The following B4GALNT3 variants were observed in gnomAD, a reference collection of about 807,000 sequenced individuals.
B4GALNT3 encodes beta-1,4-N-acetylgalactosaminyltransferase 3.
Under a neutral mutation model 120.2 loss-of-function variants are expected in B4GALNT3, and 86 were observed. The ratio of observed to expected loss-of-function variants is 0.72; its 90% CI spans 0.60 to 0.86. B4GALNT3 has a LOEUF of 0.86. B4GALNT3 is among the 40% of genes least tolerant of loss of function. The probability of loss-of-function intolerance (pLI) is 0.00; values close to 1 mark genes in which losing one functional copy is unlikely to be tolerated. For missense variants in B4GALNT3, 1,167 were observed against 1,298.9 expected (o/e 0.90, Z 1.56); for synonymous variants, 518 against 510.4 (o/e 1.01, Z -0.20).
intron 1 of B4GALNT3, among the ~76,000 whole-genome samples, chr12:511,013 CTTTTTTTTTTTTTTTTT>C (rs762032000): frequency 1.3e-3 from 55 of 43,900 alleles, no homozygotes; most frequent in East Asian, 3.2e-3. Flanking sequence ...TTTGCCTATT[CTTTTTTTTTTTTTTTTT>C]TTTTTTTTTT....
chr12:474,747 T>G (rs1344956579), intron 1 of B4GALNT3, among the ~76,000 whole-genome samples: 1 of 151,808 alleles, frequency 6.6e-6, no homozygotes, highest in Non-Finnish European at 1.5e-5. Context: ...ATCACTTGAG[T>G]CCAGGAGTTC....
At chr12:464,254 AT>A (rs1431463468) in intron 1 of B4GALNT3, among the ~76,000 whole-genome samples, 1 of 152,212 alleles carries the variant, frequency 6.6e-6, no homozygotes, top group Non-Finnish European at 1.5e-5. Flanking sequence ...GAAGTTAAAG[AT>A]TCTCCAATTA....
chr12:470,759 G>C (rs1347743959), intron 1 of B4GALNT3, among the ~76,000 whole-genome samples: 1 of 151,966 alleles, frequency 6.6e-6, no homozygotes, highest in African/African-American at 2.4e-5. Flanking sequence ...TTTGTTTTGA[G>C]ATGGAGTCTC....
chr12:467,650 C>T (rs950335342), intron 1 of B4GALNT3, among the ~76,000 whole-genome samples: 22 of 152,304 alleles, frequency 1.4e-4, no homozygotes, highest in Non-Finnish European at 2.6e-4. Flanking sequence ...ATTAACCCTG[C>T]GAAAGCACTT....
intron 1 of B4GALNT3, among the ~76,000 whole-genome samples, chr12:524,963 GGTGGGTTAA>G (rs1201024732): frequency 1.3e-5 from 2 of 152,154 alleles, no homozygotes; most frequent in Non-Finnish European, 2.9e-5. Context: ...TGAACTTGTT[GGTGGGTTAA>G]GTGGGTTAAT....
intron 1 of B4GALNT3, among the ~76,000 whole-genome samples, chr12:473,779 G>A (rs971072001): frequency 1.3e-5 from 2 of 152,188 alleles, no homozygotes; most frequent in Admixed American, 1.3e-4. Context: ...CAAGAAGTTG[G>A]AAGAGTTTGC....
chr12:558,469 T>C, intron 17 of B4GALNT3, 39 bp from the exon 18 acceptor site: 1 of 1,602,852 alleles, frequency 6.2e-7, no homozygotes, highest in Non-Finnish European at 8.5e-7. Context: ...CTAGCTCTGG[T>C]CTGCAGGGTC....
rs1233813062 is a variant in B4GALNT3, at chr12:562,960, G to GGAAT, written c.*1510_*1511insAATG. 2 of 152,190 alleles carry GGAAT rather than the reference G, an allele frequency of 1.3e-5. No homozygotes were observed. Among genetic ancestry groups the GGAAT allele is most frequent in the African/African-American group, 4.8e-5 (2 of 41,428 alleles). 9.4% of individuals were successfully genotyped at this position (152,190 alleles called of 1,614,324 possible). On this transcript the variant is annotated 3_prime_UTR_variant, in exon 20 of 20. Transcript: ENST00000266383. This position sits in a 1 kb window ranked among gnomAD's most constrained non-coding sequence, Gnocchi z 5.2. ...CTGGAGCTGCAGGGTCTGCCTAGTG[G>GGAAT]GCTCTGCATTCCCCGAGAGCACGAG...
rs1947237950 is a variant in B4GALNT3, at chr12:562,094, A to G, written c.*643A>G. ...CAAACAGCTGGCCACTGATTAGGGC[A>G]TTAACTTCCTCCGGATGGCTCACGT... On this transcript the variant is annotated 3_prime_UTR_variant, in exon 20 of 20. Transcript: ENST00000266383. This position sits in a 1 kb window ranked among gnomAD's most constrained non-coding sequence, Gnocchi z 5.2. 6.6e-6 allele frequency: 1 copy of G among 152,282 alleles called. No individual in the cohort carries two copies. The highest frequency in any genetic ancestry group is 1.5e-5 in the Non-Finnish European group (1 of 68,078). 9.4% of individuals were successfully genotyped at this position (152,282 alleles called of 1,614,324 possible). A position where few individuals can be genotyped will look rare whatever the true frequency, so the allele number is the denominator to read the frequency against.
rs1042786089 is a variant in B4GALNT3, at chr12:548,765, C to T, written c.853+468C>T. Among the ~76,000 whole-genome samples the T allele has an allele frequency of 7.9e-5, 12 of 152,156 alleles. No homozygotes were observed. The East Asian group carries it at 2.3e-3, about 29-fold the overall frequency. Reference sequence around the variant, plus strand: ...TCTCTACAAAAAATTAAAAAATTAACTGGGTGTGGTGGCGCATGCCTGTAG... The same window carrying T: ...TCTCTACAAAAAATTAAAAAATTAATTGGGTGTGGTGGCGCATGCCTGTAG... On this transcript the variant is annotated intron_variant, in intron 9 of 19. Transcript: ENST00000266383. This position sits in a 1 kb window ranked among gnomAD's most constrained non-coding sequence, Gnocchi z 4.9.
At chr12:495,809 T>C (rs1338056836) in intron 1 of B4GALNT3, among the ~76,000 whole-genome samples, 1 of 152,212 alleles carries the variant, frequency 6.6e-6, no homozygotes, top group Non-Finnish European at 1.5e-5. Flanking sequence ...AAGCCGGGTC[T>C]GCAGCTCTGC....
intron 6 of B4GALNT3, among the ~76,000 whole-genome samples, chr12:545,856 G>A (rs1946996499): frequency 2.3e-5 from 1 of 43,582 alleles, no homozygotes; most frequent in Non-Finnish European, 4.3e-5. Flanking sequence ...GGAGGAGCGA[G>A]GAGTGGGGAG....
intron 1 of B4GALNT3, among the ~76,000 whole-genome samples, chr12:520,880 T>C (rs1565601298): frequency 6.6e-6 from 1 of 152,244 alleles, no homozygotes; most frequent in South Asian, 2.1e-4. Context: ...TTGCACATTG[T>C]CTGCCTGCAT....
In B4GALNT3 at chr12:534,815, C is replaced by T. The variant is rs150546120; in HGVS notation, c.170-351C>T. On this transcript the variant is annotated intron_variant, in intron 1 of 19. Coordinates refer to ENST00000266383, the MANE Select transcript of B4GALNT3 (RefSeq NM_173593.4). Reference sequence around the variant, plus strand: ...GAAGGGAAGAGTGTACCGCCTGTCACGACCATCTCTCCACGGCAGCTCTCG... The same window carrying T: ...GAAGGGAAGAGTGTACCGCCTGTCATGACCATCTCTCCACGGCAGCTCTCG... Among the ~76,000 whole-genome samples, 454 of 152,300 alleles carry T rather than the reference C, an allele frequency of 3.0e-3. 16 individuals carry two copies. In the East Asian group the frequency reaches 0.07, roughly 24 times the overall value.
At chr12:477,632 C>G (rs115142648) in intron 1 of B4GALNT3, among the ~76,000 whole-genome samples, 1 of 152,194 alleles carries the variant, frequency 6.6e-6, no homozygotes, top group Non-Finnish European at 1.5e-5. Context: ...ATGATTTCCT[C>G]TCTCACTTTC....
At chr12:543,293 GC>G in intron 3 of B4GALNT3, 1 of 1,070,924 alleles carries the variant, frequency 9.3e-7, no homozygotes, top group Non-Finnish European at 1.3e-6. Flanking sequence ...GCCCCTTTCT[GC>G]CCAGCCTCCC....
chr12:489,341 A>C (rs868781320), intron 1 of B4GALNT3, among the ~76,000 whole-genome samples: 171 of 151,354 alleles, frequency 1.1e-3, no homozygotes, highest in Non-Finnish European at 1.9e-3. Flanking sequence ...AAAAAAAAAA[A>C]CCCACAAAAT....
rs1592010135 is a variant in B4GALNT3 at position 472,017 on chromosome 12, C to T, written c.169+11472C>T. Among the ~76,000 whole-genome samples, 3 of 152,280 alleles carry T rather than the reference C, an allele frequency of 2.0e-5. No individual in the cohort carries two copies. The East Asian group carries it at 5.8e-4, about 29-fold the overall frequency. On this transcript the variant is annotated intron_variant, in intron 1 of 19. Transcript: ENST00000266383. ...GTCCTCTGGCTTGAATTTCTAATAC[C>T]TCCTCCAGCGACAGCAGGCTGTTGT...
At chr12:467,826 A>C (rs1310070178) in intron 1 of B4GALNT3, among the ~76,000 whole-genome samples, 1 of 152,148 alleles carries the variant, frequency 6.6e-6, no homozygotes, top group East Asian at 1.9e-4. Context: ...AACGCTCTAA[A>C]CATGTTTCTT....
Sources: allele counts gnomAD v4.1 joint callset (sites outside exome capture counted in the v4.1 genomes callset), GRCh38; gene constraint gnomAD v4.1.1; non-coding constraint Gnocchi (gnomAD v3.1); transcripts MANE v1.5; gene names NCBI Gene and HGNC (gene_info 2026-07-23, HGNC 2026-07-21).